Variants in UBE2D1 observed in about 807,000 individuals in gnomAD.
The protein encoded by UBE2D1 is ubiquitin conjugating enzyme E2 D1.
A neutral mutation model predicts 24.6 loss-of-function variants in UBE2D1; 9 were observed. The observed-to-expected ratio is 0.37, with a 90% CI of 0.22 to 0.64. UBE2D1 has a LOEUF of 0.64. Among genes scored for constraint, UBE2D1 ranks in the 30% least tolerant of loss-of-function variants. The pLI, the probability that UBE2D1 is intolerant of heterozygous loss-of-function variation, is 0.64. For missense variants in UBE2D1, 87 were observed against 177.1 expected (o/e 0.49, Z 2.89); for synonymous variants, 57 against 57.6 (o/e 0.99, Z 0.04).
intron 5 of UBE2D1, among the ~76,000 whole-genome samples, 193 bp from the exon 6 acceptor site, chr10:58,367,730 G>T (rs555790952): frequency 6.6e-6 from 1 of 151,788 alleles, no homozygotes; most frequent in East Asian, 1.9e-4. Flanking sequence ...TGCATCCTAT[G>T]GTAATTTTAT....
chr10:58,336,043 A>G (rs527309309), intron 1 of UBE2D1, among the ~76,000 whole-genome samples: 49 of 152,336 alleles, frequency 3.2e-4, no homozygotes, highest in African/African-American at 7.2e-4. Flanking sequence ...AGAAATATAT[A>G]TCTTCATCCA....
In UBE2D1 at chr10:58,363,644, C is replaced by T. The variant is rs1308143638; in HGVS notation, c.156C>T (p.Leu52=). ...CATATCAAGGTGGAGTCTTCTTTCT[C>T]ACTGTACATTTTCCGACAGATTATC... ...DSAYQGGVFF[L]TVHFPTDYPF... is the part of the protein sequence containing the mutation. The change falls in exon 4 of 7, where the codon CTC becomes CTT. Residue 52 remains leucine, a synonymous_variant. Coordinates refer to ENST00000373910, the MANE Select transcript of UBE2D1 (RefSeq NM_003338.5). 3 of 1,612,110 alleles carry T rather than the reference C, an allele frequency of 1.9e-6. No individual in the cohort carries two copies. The highest frequency in any genetic ancestry group is 2.5e-6 in the Non-Finnish European group (3 of 1,179,314).
At chr10:58,353,335 C>CTGTT (rs979876768) in intron 1 of UBE2D1, among the ~76,000 whole-genome samples, 54 of 152,086 alleles carry the variant, frequency 3.6e-4, no homozygotes, top group African/African-American at 1.2e-3. Flanking sequence ...ATGGAATAAA[C>CTGTT]AAACAAACAA....
At chr10:58,348,345 G>A (rs139019236) in intron 1 of UBE2D1, among the ~76,000 whole-genome samples, 1 of 152,190 alleles carries the variant, frequency 6.6e-6, no homozygotes, top group East Asian at 1.9e-4. Flanking sequence ...TGAACTGTAA[G>A]CCCATGAAAT....
chr10:58,345,308 T>TA (rs969974165), intron 1 of UBE2D1, among the ~76,000 whole-genome samples: 19 of 150,818 alleles, frequency 1.3e-4, no homozygotes, highest in East Asian at 7.9e-4. Context: ...CCATTTATTT[T>TA]AAAAAAAAAA....
At chr10:58,346,155 C>T (rs779977947) in intron 1 of UBE2D1, among the ~76,000 whole-genome samples, 10 of 151,886 alleles carry the variant, frequency 6.6e-5, no homozygotes, top group East Asian at 1.9e-4. Context: ...GGACTACAGG[C>T]GTGCACCACC....
At chr10:58,366,872 ATTGCC>A (rs1840261559) in intron 5 of UBE2D1, among the ~76,000 whole-genome samples, 3 of 152,032 alleles carry the variant, frequency 2.0e-5, no homozygotes, top group African/African-American at 7.2e-5. Context: ...ACATACCACC[ATTGCC>A]TGGAGCTTTT....
At chr10:58,339,501 A>G (rs1839940004) in intron 1 of UBE2D1, among the ~76,000 whole-genome samples, 1 of 152,202 alleles carries the variant, frequency 6.6e-6, no homozygotes, top group Non-Finnish European at 1.5e-5. Context: ...ATGGATATGT[A>G]TGGATATCCA....
chr10:58,353,640 A>G (rs1484719682), intron 1 of UBE2D1, among the ~76,000 whole-genome samples: 2 of 152,214 alleles, frequency 1.3e-5, no homozygotes, highest in African/African-American at 4.8e-5. Flanking sequence ...TACATTCTGT[A>G]AATTGAAAAT....
chr10:58,356,454 T>C (rs1335784665), intron 1 of UBE2D1, among the ~76,000 whole-genome samples: 1 of 152,170 alleles, frequency 6.6e-6, no homozygotes, highest in African/African-American at 2.4e-5. Context: ...TATTTCATAA[T>C]ATGGCTGTAT....
intron 1 of UBE2D1, among the ~76,000 whole-genome samples, chr10:58,350,217 G>GT (rs1353464054): frequency 6.6e-6 from 1 of 152,154 alleles, no homozygotes; most frequent in Non-Finnish European, 1.5e-5. Flanking sequence ...GTTACTATCA[G>GT]TTTTCCTCTT....
chr10:58,338,171 A>G (rs1364678123), intron 1 of UBE2D1, among the ~76,000 whole-genome samples: 2 of 152,120 alleles, frequency 1.3e-5, no homozygotes, highest in Non-Finnish European at 2.9e-5. Flanking sequence ...TGGCTTGGCT[A>G]TTTGAGAGTG....
chr10:58,360,818 G>T, intron 1 of UBE2D1: 1 of 348,194 alleles, frequency 2.9e-6, no homozygotes, highest in South Asian at 2.2e-5. Context: ...GGGTAGGAGT[G>T]GGGGCCTGAG....
intron 1 of UBE2D1, among the ~76,000 whole-genome samples, chr10:58,345,295 A>T (rs1375259619): frequency 6.6e-6 from 1 of 151,912 alleles, no homozygotes; most frequent in African/African-American, 2.4e-5. Flanking sequence ...ACATAGTGAG[A>T]TCCCATTTAT....
At chr10:58,363,825 A>G (rs1840226253) in intron 4 of UBE2D1, 139 bp downstream of exon 4, 1 of 562,378 alleles carries the variant, frequency 1.8e-6, no homozygotes, top group Non-Finnish European at 3.0e-6. Context: ...TTTTGTAAAA[A>G]CTACTGAATC....
At chr10:58,363,796 G>T in intron 4 of UBE2D1, 110 bp downstream of exon 4, 1 of 697,428 alleles carries the variant, frequency 1.4e-6, no homozygotes, top group Non-Finnish European at 2.2e-6. Context: ...ACTGTGGGGA[G>T]GTTAGCATTT....
intron 3 of UBE2D1, 133 bp downstream of exon 3, chr10:58,361,659 A>T (rs773653172): frequency 3.3e-6 from 4 of 1,194,088 alleles, no homozygotes; most frequent in Non-Finnish European, 3.6e-6. Context: ...GCAAAATATT[A>T]TTAAGGATTT....
intron 3 of UBE2D1, among the ~76,000 whole-genome samples, chr10:58,363,237 G>T (rs925222627): frequency 6.6e-6 from 1 of 151,856 alleles, no homozygotes; most frequent in Admixed American, 6.6e-5. Context: ...TACTGATTAC[G>T]GCTGCAGAAA....
At position 58,367,980 on chromosome 10, in the gene UBE2D1, C is replaced by T; in HGVS notation, c.362C>T (p.Pro121Leu). Residue 121 changes from proline (P) to leucine (L), a missense_variant, in exon 6 of 7, where the codon CCA (proline) becomes CTA (leucine). Physicochemically the swap from Pro to Leu is moderately conservative, Grantham distance 98. Coordinates refer to ENST00000373910, the MANE Select transcript of UBE2D1 (RefSeq NM_003338.5). ...CCTAATCCAGATGACCCCTTAGTAC[C>T]AGATATTGCACAAATCTATAAATCA... ...CDPNPDDPLV[P>L]DIAQIYKSDK... 1 of 1,610,356 alleles carries T rather than the reference C, an allele frequency of 6.2e-7. No homozygotes were observed. The highest frequency in any genetic ancestry group is 8.5e-7 in the Non-Finnish European group (1 of 1,177,642).
Sources: allele counts gnomAD v4.1 joint callset (sites outside exome capture counted in the v4.1 genomes callset), GRCh38; gene constraint gnomAD v4.1.1; transcripts MANE v1.5; gene names NCBI Gene and HGNC (gene_info 2026-07-23, HGNC 2026-07-21).